PHLDB1: variants seen among roughly 807,000 people sequenced by gnomAD.
PHLDB1 encodes the protein pleckstrin homology-like domain family B member 1.
PHLDB1 carries 65 observed loss-of-function variants against 139.3 expected under a neutral mutation model. The observed-to-expected ratio is 0.47, with a 90% CI of 0.38 to 0.57. The LOEUF (loss-of-function observed/expected upper bound fraction) is 0.57. Ranked by LOEUF, PHLDB1 falls within the 20% of genes least tolerant of loss-of-function variation. The pLI is 0.00. For synonymous variants in PHLDB1, 679 were observed against 734.5 expected (o/e 0.92, Z 1.22); for missense variants, 1,624 against 1,839.7 (o/e 0.88, Z 2.14).
intron 9 of PHLDB1, 140 bp from the exon 10 acceptor site, chr11:118,635,253 C>T (rs1293505631): frequency 5.1e-6 from 5 of 986,016 alleles, no homozygotes; most frequent in African/African-American, 4.9e-5. Context: ...CCAAGTACAG[C>T]GGGAGCTGGG....
intron 7 of PHLDB1, 92 bp downstream of exon 7, chr11:118,631,571 G>GGGGAAGGATCAAGTTT (rs1944813634): frequency 9.0e-7 from 1 of 1,107,622 alleles, no homozygotes; most frequent in South Asian, 2.2e-5. Flanking sequence ...GGTCCAGTGA[G>GGGGAAGGATCAAGTTT]GGGAAGGATC....
intron 5 of PHLDB1, 58 bp downstream of exon 5, chr11:118,625,117 C>T (rs907833713): frequency 1.4e-5 from 21 of 1,525,372 alleles, no homozygotes; most frequent in Admixed American, 2.1e-5. Flanking sequence ...CAGTCCTCCT[C>T]CTTGCTCACT....
intron 20 of PHLDB1, 177 bp from the exon 21 acceptor site, chr11:118,655,428 G>C: frequency 1.8e-6 from 1 of 554,190 alleles, no homozygotes; most frequent in Non-Finnish European, 3.2e-6. Context: ...TTATGAGTGA[G>C]GCTGAGCATT....
Position 118,628,285 on chromosome 11 carries a change from G to A in PHLDB1, c.1462G>A (p.Glu488Lys). ...PDPKLNREVAESPRPRRWAAH... is the reference protein window; with the variant it reads ...PDPKLNREVAKSPRPRRWAAH... ...TCCCAAGCTAAACAGGGAAGTGGCA[G>A]AGAGTCCTCGGCCCCGGCGCTGGGC... Residue 488 changes from glutamate to lysine, a missense_variant, in exon 6 of 23, where the codon GAG (glutamate) becomes AAG (lysine). Coordinates refer to ENST00000600882, the MANE Select transcript of PHLDB1 (RefSeq NM_001144758.3). 1.2e-6 allele frequency: 2 copies of A among 1,614,002 alleles called. No homozygotes were observed. Among genetic ancestry groups the A allele is most frequent in the South Asian group, 2.2e-5 (2 of 91,070 alleles).
At chr11:118,624,590 C>CTTTTTTTTTT (rs67582556) in intron 4 of PHLDB1, 9 of 133,078 alleles carry the variant, frequency 6.8e-5, no homozygotes, top group African/African-American at 4.6e-4. Flanking sequence ...TTCTTCCTTT[C>CTTTTTTTTTT]TTTTTTTTTT....
In PHLDB1 at chr11:118,632,009, C is replaced by T. The variant is rs141282851; in HGVS notation, c.2197C>T (p.Arg733Cys). The T allele has an allele frequency of 1.5e-5, 25 of 1,613,970 alleles. No individual in the cohort carries two copies. Among genetic ancestry groups the T allele is most frequent in the South Asian group, 6.6e-5 (6 of 91,088 alleles). ...VLGHVEQLKV[R>C]VKELEQQLQE... The stretch of plus-strand genomic sequence containing the variant: ...GGGGCACGTGGAGCAGCTCAAGGTC[C>T]GTGTGAAGGAGCTAGAGCAGCAGCT... Residue 733 changes from arginine (R) to cysteine (C), a missense_variant, in exon 8 of 23, where the codon CGT becomes TGT. Arg to Cys is a radical substitution (Grantham distance 180, BLOSUM62 -3). Coordinates refer to ENST00000600882, the MANE Select transcript of PHLDB1 (RefSeq NM_001144758.3). This position sits in a 1 kb window ranked among gnomAD's most constrained non-coding sequence, Gnocchi z 5.9.
Position 118,644,074 on chromosome 11 carries a change from C to T in PHLDB1, c.3021C>T (p.Ser1007=), listed in dbSNP as rs782019198. 46 of 1,613,410 alleles carry T rather than the reference C, an allele frequency of 2.9e-5. No homozygotes were observed. The highest frequency in any genetic ancestry group is 6.7e-5 in the African/African-American group (5 of 74,918). Reference sequence around the variant, plus strand: ...CCGAACTCTCCATTCCTCTGCAGAGCGCTCTACTCACCCAGAATGGCACGG... The same window carrying T: ...CCGAACTCTCCATTCCTCTGCAGAGTGCTCTACTCACCCAGAATGGCACGG... ...ATLGRSPSPK[S]ALLTQNGTGS... is the part of the protein sequence containing the mutation. The change falls in exon 15 of 23, where the codon AGC becomes AGT. Residue 1007 remains serine (S), a splice_region_variant and synonymous_variant. Coordinates refer to ENST00000600882, the MANE Select transcript of PHLDB1 (RefSeq NM_001144758.3).
chr11:118,617,391 CCTT>C (rs1442432831), intron 4 of PHLDB1, among the ~76,000 whole-genome samples: 2 of 151,976 alleles, frequency 1.3e-5, no homozygotes, highest in Admixed American at 6.6e-5. Flanking sequence ...TCCACTGTCT[CCTT>C]CTCTCCTCTT....
In PHLDB1 at chr11:118,628,647, G is replaced by A. The variant is rs1317912492; in HGVS notation, c.1824G>A (p.Arg608=). The change falls in exon 6 of 23, where the codon AGG becomes AGA. Residue 608 remains arginine, a synonymous_variant. Transcript: ENST00000600882. ...QERLREQEME[R]LERQRLETIL... Reference sequence around the variant, plus strand: ...GGCTCCGGGAGCAGGAGATGGAGAGGCTGGTGAGCGGGTGCCAGGGAGGCT... The same window carrying A: ...GGCTCCGGGAGCAGGAGATGGAGAGACTGGTGAGCGGGTGCCAGGGAGGCT... The A allele has an allele frequency of 1.2e-6, 2 of 1,607,924 alleles. No individual in the cohort carries two copies. Among genetic ancestry groups the A allele is most frequent in the East Asian group, 4.5e-5 (2 of 44,702 alleles).
intron 6 of PHLDB1, chr11:118,629,853 CA>C: frequency 2.6e-6 from 1 of 391,468 alleles, no homozygotes; most frequent in Admixed American, 3.7e-5. Context: ...TTCCCACCCC[CA>C]TTCCCACACA....
chr11:118,625,922 G>C (rs1300808277), intron 5 of PHLDB1, among the ~76,000 whole-genome samples: 3 of 152,134 alleles, frequency 2.0e-5, no homozygotes, highest in African/African-American at 7.2e-5. Flanking sequence ...AGTCCTCTGG[G>C]GGCTCAGAAG....
chr11:118,629,913 A>T, intron 6 of PHLDB1: 1 of 839,752 alleles, frequency 1.2e-6, no homozygotes, highest in Non-Finnish European at 1.7e-6. Context: ...CTGCCACTTT[A>T]AGTCTTGGAG....
At chr11:118,639,367 T>C in intron 12 of PHLDB1, 116 bp downstream of exon 12, 1 of 751,892 alleles carries the variant, frequency 1.3e-6, no homozygotes, top group Non-Finnish European at 2.4e-6. Flanking sequence ...TCTTCCTGAA[T>C]GGGAGAGATT....
intron 13 of PHLDB1, among the ~76,000 whole-genome samples, chr11:118,643,181 TC>T (rs1946863232): frequency 6.6e-6 from 1 of 152,238 alleles, no homozygotes; most frequent in South Asian, 2.1e-4. Flanking sequence ...GATTCTCTGA[TC>T]ATCATCATAG....
rs1948208140 is a variant in PHLDB1 at position 118,650,617 on chromosome 11, C to A, written c.3874+70C>A. ...GGCTCTGTTACCCAGGACGGCTGGT[C>A]TTCTAGAAGGAGGCCAAGCTTCCAA... On this transcript the variant is annotated intron_variant, in intron 20 of 22. Coordinates refer to ENST00000600882, the MANE Select transcript of PHLDB1 (RefSeq NM_001144758.3). The surrounding 1 kb of genome is among the most constrained non-coding windows in gnomAD (Gnocchi z 4.7). The A allele has an allele frequency of 4.5e-6, 5 of 1,101,224 alleles. No individual in the cohort carries two copies. The highest frequency in any genetic ancestry group is 4.2e-6 in the Non-Finnish European group (3 of 716,930). The allele number at this position is 1,101,224 out of a possible 1,614,324, so 68.2% of individuals were successfully genotyped here.
At position 118,611,831 on chromosome 11, in the gene PHLDB1, A is replaced by AT. The variant is rs1565384848; in HGVS notation, c.-21-1985_-21-1984insT. 1.9e-3 allele frequency among the ~76,000 whole-genome samples: 284 copies of AT among 147,682 alleles called. 1 individual carries two copies. The highest frequency in any genetic ancestry group is 0.012 in the East Asian group (58 of 4,982). ...GAAACTCCGTCTCAAAAAAAAAAAA[A>AT]AAATAATAATAATAATAATAAATGG... On this transcript the variant is annotated intron_variant, in intron 1 of 22. Coordinates refer to ENST00000600882, the MANE Select transcript of PHLDB1 (RefSeq NM_001144758.3). The surrounding 1 kb of genome is among the most constrained non-coding windows in gnomAD (Gnocchi z 4.7).
chr11:118,648,834 G>A (rs1390215494), intron 18 of PHLDB1, among the ~76,000 whole-genome samples: 1 of 152,170 alleles, frequency 6.6e-6, no homozygotes, highest in African/African-American at 2.4e-5. Context: ...GAATCTGTAG[G>A]ACTTAGATAG....
At chr11:118,616,273 C>T in intron 4 of PHLDB1, 62 bp downstream of exon 4, 1 of 1,467,170 alleles carries the variant, frequency 6.8e-7, no homozygotes, top group Non-Finnish European at 9.4e-7. Context: ...GTATTAGGCA[C>T]AGGGGAGGCT....
chr11:118,626,220 A>G (rs1247397947), intron 5 of PHLDB1, among the ~76,000 whole-genome samples: 1 of 150,652 alleles, frequency 6.6e-6, no homozygotes, highest in Non-Finnish European at 1.5e-5. Flanking sequence ...CCCCTCACCC[A>G]GCCCTGCAGG....
Sources: allele counts gnomAD v4.1 joint callset (sites outside exome capture counted in the v4.1 genomes callset), GRCh38; gene constraint gnomAD v4.1.1; non-coding constraint Gnocchi (gnomAD v3.1); transcripts MANE v1.5; gene names NCBI Gene and HGNC (gene_info 2026-07-23, HGNC 2026-07-21).